The following TCP11L2 variants were observed in gnomAD, a reference collection of about 807,000 sequenced individuals.
TCP11L2 encodes the protein T-complex protein 11-like protein 2.
TCP11L2 carries 39 observed loss-of-function variants against 50.7 expected under a neutral mutation model. The ratio of observed to expected loss-of-function variants is 0.77; its 90% CI spans 0.60 to 1.01. The LOEUF is 1.01. Among genes scored for constraint, TCP11L2 ranks in the 50% least tolerant of loss-of-function variants. The pLI is 0.00. For synonymous variants in TCP11L2, 192 were observed against 219.3 expected, an observed-to-expected ratio of 0.88 and a Z score of 1.10; for missense variants, 612 against 614.7, an observed-to-expected ratio of 1.00 and a Z score of 0.05.
intron 6 of TCP11L2, among the ~76,000 whole-genome samples, chr12:106,329,142 G>A (rs973842396): frequency 6.6e-6 from 1 of 152,138 alleles, no homozygotes; most frequent in Non-Finnish European, 1.5e-5. Flanking sequence ...GTAGAAGCAC[G>A]TGTAATACCA....
intron 1 of TCP11L2, among the ~76,000 whole-genome samples, chr12:106,309,334 G>T (rs886250639): frequency 6.6e-6 from 1 of 152,134 alleles, no homozygotes; most frequent in Non-Finnish European, 1.5e-5. Context: ...GAATCTTATA[G>T]CCAGTGTTCA....
At chr12:106,341,927 C>T (rs936913390) in intron 9 of TCP11L2, among the ~76,000 whole-genome samples, 34 of 152,242 alleles carry the variant, frequency 2.2e-4, no homozygotes, top group African/African-American at 8.2e-4. Flanking sequence ...AAGCCTGAGA[C>T]ATGTATTCAC....
intron 3 of TCP11L2, among the ~76,000 whole-genome samples, chr12:106,317,869 G>T (rs746786178): frequency 6.6e-6 from 1 of 152,216 alleles, no homozygotes; most frequent in Non-Finnish European, 1.5e-5. Context: ...CACCAGTTTG[G>T]TCTGGCTAAC....
Position 106,314,413 on chromosome 12 carries a change from C to A in TCP11L2, c.213C>A (p.Asn71Lys), listed in dbSNP as rs1396653282. 6.2e-7 allele frequency: 1 copy of A among 1,613,506 alleles called. No individual in the cohort carries two copies. Among genetic ancestry groups the A allele is most frequent in the African/African-American group, 1.3e-5 (1 of 74,888 alleles). Residue 71 changes from asparagine to lysine, a missense_variant, in exon 3 of 10, where the codon AAC becomes AAA. Physicochemically the swap from Asn to Lys is moderately conservative, Grantham distance 94. Transcript: ENST00000299045. ...ATGAAGTGATGGCTACAGCAAGGAA[C>A]TTATCAAACTTGACTCTTGCTCATG... ...TFDEVMATAR[N>K]LSNLTLAHEI...
At position 106,318,365 on chromosome 12, in the gene TCP11L2, C is replaced by T. The variant is rs780311815; in HGVS notation, c.315C>T (p.His105=). The T allele has an allele frequency of 6.2e-7, 1 of 1,613,782 alleles. No homozygotes were observed. The highest frequency in any genetic ancestry group is 1.1e-5 in the South Asian group (1 of 91,066). Residue 105 remains histidine (H), a synonymous_variant, in exon 4 of 10, where the codon CAC becomes CAT. Transcript: ENST00000299045. Reference sequence around the variant, plus strand: ...ATAGTTTGGCTGGTCGAGTGAAGCACATTGTTCACCAGGCCTTCTGGGACG... The same window carrying T: ...ATAGTTTGGCTGGTCGAGTGAAGCATATTGTTCACCAGGCCTTCTGGGACG... ...PEKSLAGRVK[H]IVHQAFWDVL... is the part of the protein sequence containing the mutation.
At chr12:106,311,918 A>G (rs1171440684) in intron 2 of TCP11L2, among the ~76,000 whole-genome samples, 4 of 152,186 alleles carry the variant, frequency 2.6e-5, no homozygotes, top group Non-Finnish European at 5.9e-5. Context: ...AATGTTTAAT[A>G]TGCTGAACTG....
At chr12:106,336,858 A>T (rs961921009) in intron 8 of TCP11L2, among the ~76,000 whole-genome samples, 2 of 152,138 alleles carry the variant, frequency 1.3e-5, no homozygotes, top group Admixed American at 1.3e-4. Context: ...TTCTGACTTC[A>T]TCATTTTTCT....
chr12:106,314,637 C>T (rs903032669), intron 3 of TCP11L2, 144 bp downstream of exon 3: 1 of 712,530 alleles, frequency 1.4e-6, no homozygotes, highest in East Asian at 2.8e-5. Context: ...TACACTGATT[C>T]CTGGAAGTTC....
rs1452144519 is a variant in TCP11L2, at chr12:106,346,842, A to G, written c.*312A>G. On this transcript the variant is annotated 3_prime_UTR_variant, in exon 10 of 10. Transcript: ENST00000299045. ...CTTGTAAATGTTTTCTTAACCATTTATATTTGGCTTATGACATTTAACCCC... is the reference window on the plus strand; with the variant it reads ...CTTGTAAATGTTTTCTTAACCATTTGTATTTGGCTTATGACATTTAACCCC... 7 of 230,008 alleles carry G rather than the reference A, an allele frequency of 3.0e-5. No individual in the cohort carries two copies. 14.2% of individuals were successfully genotyped at this position (230,008 alleles called of 1,614,324 possible). A position where few individuals can be genotyped will look rare whatever the true frequency, so the allele number is the denominator to read the frequency against.
At chr12:106,318,836 A>G (rs1233366743) in intron 4 of TCP11L2, among the ~76,000 whole-genome samples, 1 of 151,800 alleles carries the variant, frequency 6.6e-6, no homozygotes, top group East Asian at 1.9e-4. Context: ...TCAGCCTCCC[A>G]AGTATCTGGG....
intron 8 of TCP11L2, among the ~76,000 whole-genome samples, chr12:106,336,648 G>A (rs2035931517): frequency 6.6e-6 from 1 of 150,478 alleles, no homozygotes; most frequent in African/African-American, 2.4e-5. Flanking sequence ...CGCCTCCCGG[G>A]TTCAAGCAAT....
At chr12:106,302,351 C>T (rs2034442283), upstream of TCP11L2, among the ~76,000 whole-genome samples, 2 of 111,568 alleles carry the variant, frequency 1.8e-5, no homozygotes, top group Non-Finnish European at 3.6e-5. Flanking sequence ...AGCCCCCGCT[C>T]AGCCCCCGCT....
chr12:106,331,315 A>G (rs1459174177), intron 6 of TCP11L2, among the ~76,000 whole-genome samples: 1 of 143,118 alleles, frequency 7.0e-6, no homozygotes, highest in African/African-American at 2.7e-5. Context: ...GCTAACTGGT[A>G]TCTACAAAAA....
chr12:106,315,809 G>A (rs1430534230), intron 3 of TCP11L2, among the ~76,000 whole-genome samples: 1 of 152,206 alleles, frequency 6.6e-6, no homozygotes, highest in East Asian at 1.9e-4. Flanking sequence ...GAAGAGGCTT[G>A]AGACTATTAT....
upstream of TCP11L2, chr12:106,301,823 CAG>C (rs967419002): frequency 1.3e-5 from 2 of 152,340 alleles, no homozygotes; most frequent in African/African-American, 4.8e-5. Flanking sequence ...CCAGACGGCA[CAG>C]AGCCCTCCTG....
At chr12:106,314,017 C>T (rs564512408) in intron 2 of TCP11L2, among the ~76,000 whole-genome samples, 8 of 152,218 alleles carry the variant, frequency 5.3e-5, no homozygotes, top group East Asian at 3.9e-4. Context: ...CTACCTGCCT[C>T]GGCCTCCCAA....
At chr12:106,304,350 A>G (rs2034542871) in intron 1 of TCP11L2, 1 of 152,352 alleles carries the variant, frequency 6.6e-6, no homozygotes. Flanking sequence ...TGCTTTGTGG[A>G]CAGTGACTGG....
At chr12:106,297,984 G>A (rs2034374304), upstream of TCP11L2, among the ~76,000 whole-genome samples, 1 of 152,218 alleles carries the variant, frequency 6.6e-6, no homozygotes, top group African/African-American at 2.4e-5. Context: ...TAAGAGGAAG[G>A]GGCCCAGGGT....
At chr12:106,326,886 T>G (rs531111099) in intron 6 of TCP11L2, among the ~76,000 whole-genome samples, 13 of 152,196 alleles carry the variant, frequency 8.5e-5, no homozygotes, top group Non-Finnish European at 1.5e-4. Flanking sequence ...ACAAAAACTC[T>G]ATGACTCCAA....
Sources: gnomAD v4.1 joint callset for allele counts (sites outside exome capture counted in the v4.1 genomes callset) on GRCh38, gnomAD v4.1.1 for gene constraint, MANE v1.5 for transcripts, NCBI Gene and HGNC (gene_info 2026-07-23, HGNC 2026-07-21) for gene names.